NHSL1: variants seen among roughly 807,000 people sequenced by gnomAD.
The protein encoded by NHSL1 is NHS like 1, also known as NHS-like protein 1.
In NHSL1, 48 loss-of-function variants were observed where a neutral mutation model predicts 95.0. The ratio of observed to expected loss-of-function variants is 0.51; its 90% confidence interval spans 0.40 to 0.64. The LOEUF is 0.64. Ranked by LOEUF, NHSL1 falls within the 30% of genes least tolerant of loss-of-function variation. NHSL1 has a pLI of 0.00. For missense variants in NHSL1, 1,971 were observed against 2,077.7 expected (o/e 0.95, Z 1.00); for synonymous variants, 783 against 833.9 (o/e 0.94, Z 1.05).
Position 138,625,104 on chromosome 6 carries a change from T to C in NHSL1, c.96+67372A>G, listed in dbSNP as rs532977540. Among the ~76,000 whole-genome samples, 118 of 152,240 alleles carry C rather than the reference T, an allele frequency of 7.8e-4. 1 individual carries two copies. Among genetic ancestry groups the C allele is most frequent in the African/African-American group, 2.7e-3 (113 of 41,532 alleles). On this transcript the variant is annotated intron_variant, in intron 1 of 3. Coordinates refer to the NHSL1 transcript ENST00000491526. The stretch of plus-strand genomic sequence containing the variant: ...ACAAAGATATAATTAATTTAAATAA[T>C]TAAATCATCAATTAACACTTTTTTG...
At chr6:138,527,994 C>A (rs141080154) in intron 1 of NHSL1, among the ~76,000 whole-genome samples, 1 of 152,278 alleles carries the variant, frequency 6.6e-6, no homozygotes, top group African/African-American at 2.4e-5. Context: ...CTTTTCTTTT[C>A]ATTTATGCTT....
chr6:138,603,867 AAG>A (rs1302569603), intron 1 of NHSL1, among the ~76,000 whole-genome samples: 9 of 152,214 alleles, frequency 5.9e-5, no homozygotes, highest in Non-Finnish European at 1.3e-4. Context: ...CCACATATAA[AAG>A]AGAGAATGTG....
intron 1 of NHSL1, among the ~76,000 whole-genome samples, chr6:138,631,027 G>A (rs765997785): frequency 3.3e-5 from 5 of 152,176 alleles, no homozygotes; most frequent in African/African-American, 4.8e-5. Context: ...CAGTGGCAGC[G>A]TGGTATGGAC....
chr6:138,668,910 C>A (rs916941884), intron 1 of NHSL1, among the ~76,000 whole-genome samples: 2 of 152,124 alleles, frequency 1.3e-5, no homozygotes, highest in African/African-American at 2.4e-5. Flanking sequence ...GTGTGAGCCA[C>A]CGTACCCGGC....
chr6:138,445,475 T>C (rs895664505), intron 4 of NHSL1, among the ~76,000 whole-genome samples: 1 of 151,512 alleles, frequency 6.6e-6, no homozygotes, highest in African/African-American at 2.5e-5. Flanking sequence ...TCAATAACAC[T>C]GTTTGCTGAG....
At chr6:138,677,873 G>C (rs2114778442) in intron 1 of NHSL1, among the ~76,000 whole-genome samples, 1 of 152,334 alleles carries the variant, frequency 6.6e-6, no homozygotes, top group Middle Eastern at 3.4e-3. Context: ...TTTCTAGCAA[G>C]TTCCCAGGAG....
chr6:138,575,869 C>T (rs1783961504), upstream of NHSL1, among the ~76,000 whole-genome samples: 2 of 152,214 alleles, frequency 1.3e-5, no homozygotes, highest in African/African-American at 4.8e-5. Flanking sequence ...ATCAGCCCCT[C>T]CTGGCAGCAG....
intron 3 of NHSL1, chr6:138,470,544 G>C (rs1230160694): frequency 6.6e-6 from 1 of 152,268 alleles, no homozygotes; most frequent in East Asian, 1.9e-4. Context: ...GGCCACCGTG[G>C]CCTCCCAAAG....
chr6:138,553,488 C>G (rs79189747), intron 1 of NHSL1, among the ~76,000 whole-genome samples: 342 of 152,302 alleles, frequency 2.2e-3, no homozygotes, highest in African/African-American at 7.7e-3. Context: ...CTCATTCACA[C>G]TTAACTTCTG....
At chr6:138,600,656 T>C (rs1159176205) in intron 1 of NHSL1, among the ~76,000 whole-genome samples, 1 of 152,246 alleles carries the variant, frequency 6.6e-6, no homozygotes, top group Non-Finnish European at 1.5e-5. Flanking sequence ...ATAATATTAA[T>C]ACCTTTTAAA....
chr6:138,653,145 G>T (rs1342498259), intron 1 of NHSL1, among the ~76,000 whole-genome samples: 1 of 152,058 alleles, frequency 6.6e-6, no homozygotes, highest in African/African-American at 2.4e-5. Flanking sequence ...AATTTAGTAG[G>T]GTGTAAAACT....
intron 1 of NHSL1, chr6:138,571,504 G>T: frequency 1.8e-6 from 1 of 568,018 alleles, no homozygotes; most frequent in Non-Finnish European, 3.1e-6. Flanking sequence ...ATCTTTCTTT[G>T]AATGATACAA....
At position 138,422,445 on chromosome 6, in the gene NHSL1, C is replaced by G. The variant is rs1774978441; in HGVS notation, c.*1636G>C. The G allele has an allele frequency of 1.3e-5, 2 of 152,070 alleles. No individual in the cohort carries two copies. The highest frequency in any genetic ancestry group is 4.1e-4 in the South Asian group (2 of 4,828). 9.4% of individuals were successfully genotyped at this position (152,070 alleles called of 1,614,324 possible). ...GTATCTAAAGTTTTAGTTTATAAGT[C>G]TCATAATGATTTGACCCATGCAGTC... On this transcript the variant is annotated 3_prime_UTR_variant, in exon 8 of 8. Transcript: ENST00000343505.
intron 2 of NHSL1, among the ~76,000 whole-genome samples, chr6:138,493,892 C>T (rs143296558): frequency 0.027 from 4,178 of 152,252 alleles, 94 homozygotes; most frequent in Middle Eastern, 0.061. Context: ...ACGAACCAAA[C>T]GAATGCCATT....
chr6:138,562,592 G>A (rs945927664), intron 1 of NHSL1, among the ~76,000 whole-genome samples: 1 of 151,824 alleles, frequency 6.6e-6, no homozygotes, highest in African/African-American at 2.4e-5. Context: ...AACCCTGGAG[G>A]TGGAGATTGC....
upstream of NHSL1, among the ~76,000 whole-genome samples, chr6:138,572,793 T>C (rs1323211822): frequency 6.6e-6 from 1 of 152,118 alleles, no homozygotes; most frequent in South Asian, 2.1e-4. Context: ...AACTTGATTA[T>C]GAATTATCAA....
At chr6:138,461,730 T>C (rs1778010175) in intron 3 of NHSL1, among the ~76,000 whole-genome samples, 1 of 152,136 alleles carries the variant, frequency 6.6e-6, no homozygotes, top group Non-Finnish European at 1.5e-5. Flanking sequence ...TTTGGACATG[T>C]TTAATTATAA....
chr6:138,429,787 T>G lies in NHSL1; in HGVS notation c.4009A>C (p.Lys1337Gln). The change falls in exon 7 of 8, where the codon AAG (lysine) becomes CAG (glutamine). Residue 1337 changes from lysine to glutamine, a missense_variant. Lys to Gln is a moderately conservative substitution (Grantham distance 53, BLOSUM62 1). Transcript: ENST00000343505. ...ATTACCTCATCATTCCCGTCTTCCT[T>G]GAGGAAGTCACAGGCCTCTGAGGAT... ...GSSSEACDFLKEDGNDEVMTP... is the reference protein window; with the variant it reads ...GSSSEACDFLQEDGNDEVMTP... The G allele has an allele frequency of 6.4e-7, 1 of 1,551,762 alleles. No homozygotes were observed. Among genetic ancestry groups the G allele is most frequent in the Non-Finnish European group, 8.7e-7 (1 of 1,146,976 alleles).
chr6:138,626,230 C>T (rs969458063), intron 1 of NHSL1, among the ~76,000 whole-genome samples: 3 of 152,216 alleles, frequency 2.0e-5, no homozygotes, highest in African/African-American at 7.2e-5. Context: ...TCCAGTCCTG[C>T]CTGATCAGTC....
Sources: gnomAD v4.1 joint callset for allele counts (sites outside exome capture counted in the v4.1 genomes callset) on GRCh38, gnomAD v4.1.1 for gene constraint, MANE v1.5 for transcripts, NCBI Gene and HGNC (gene_info 2026-07-23, HGNC 2026-07-21) for gene names.